The following PTPN12 variants were observed in gnomAD, a reference collection of about 807,000 sequenced individuals.
The protein encoded by PTPN12 is tyrosine-protein phosphatase non-receptor type 12.
In PTPN12, 29 loss-of-function variants were observed where a neutral mutation model predicts 97.6. That is an observed-to-expected ratio of 0.30 (90% CI 0.22 to 0.41). The LOEUF is 0.41. Among genes scored for constraint, PTPN12 ranks in the 10% least tolerant of loss-of-function variants. The pLI is 1.00. For synonymous variants in PTPN12, 327 were observed against 300.4 expected (o/e 1.09, Z -0.91); for missense variants, 819 against 926.0 (o/e 0.88, Z 1.50).
intron 1 of PTPN12, among the ~76,000 whole-genome samples, chr7:77,551,911 A>C (rs550725318): frequency 2.6e-5 from 4 of 152,290 alleles, no homozygotes; most frequent in South Asian, 4.1e-4. Flanking sequence ...TCCATGGTAC[A>C]TATTTTCCAT....
intron 14 of PTPN12, among the ~76,000 whole-genome samples, chr7:77,633,758 C>G (rs1789486138): frequency 6.6e-6 from 1 of 152,134 alleles, no homozygotes; most frequent in South Asian, 2.1e-4. Flanking sequence ...CACATTGGCT[C>G]ATACCTGTAA....
intron 15 of PTPN12, chr7:77,636,676 C>G (rs186692701): frequency 5.1e-4 from 92 of 180,058 alleles, no homozygotes; most frequent in African/African-American, 2.1e-3. Flanking sequence ...TGAAATTTAG[C>G]TACATCTTAT....
chr7:77,599,450 C>T (rs1383298207), intron 7 of PTPN12, among the ~76,000 whole-genome samples: 10 of 151,802 alleles, frequency 6.6e-5, no homozygotes, highest in Admixed American at 6.6e-4. Context: ...CCACCAAACC[C>T]AGCTAAATTT....
At chr7:77,588,727 T>G (rs1787771648) in intron 5 of PTPN12, among the ~76,000 whole-genome samples, 1 of 152,214 alleles carries the variant, frequency 6.6e-6, no homozygotes, top group Admixed American at 6.5e-5. Flanking sequence ...CTTAGTAAAC[T>G]TCAAATATTC....
intron 14 of PTPN12, among the ~76,000 whole-genome samples, chr7:77,633,467 T>G (rs1479046232): frequency 6.6e-6 from 1 of 150,902 alleles, no homozygotes; most frequent in Non-Finnish European, 1.5e-5. Flanking sequence ...AAATTAGCTG[T>G]GTGTGGTGGC....
chr7:77,638,923 G>T, intron 17 of PTPN12, 192 bp downstream of exon 17: 1 of 1,001,454 alleles, frequency 1.0e-6, no homozygotes, highest in Non-Finnish European at 1.3e-6. Flanking sequence ...ATAGAAAACT[G>T]CAGTATAAAA....
At chr7:77,586,377 C>A (rs1302600352) in intron 5 of PTPN12, among the ~76,000 whole-genome samples, 1 of 152,124 alleles carries the variant, frequency 6.6e-6, no homozygotes, top group African/African-American at 2.4e-5. Context: ...GCCGACTGAT[C>A]AAGTTGGTAT....
chr7:77,574,495 A>T (rs571449393), intron 2 of PTPN12, among the ~76,000 whole-genome samples: 1 of 152,168 alleles, frequency 6.6e-6, no homozygotes, highest in African/African-American at 2.4e-5. Context: ...TAAAGCCTTC[A>T]CTAGGGTGAT....
chr7:77,585,706 G>A, intron 5 of PTPN12, 125 bp downstream of exon 5: 1 of 703,188 alleles, frequency 1.4e-6, no homozygotes, highest in Middle Eastern at 4.2e-4. Context: ...TACTGCTGTT[G>A]CTTTTATTTC....
rs544797636 is a variant in PTPN12, at chr7:77,541,379, C to T, written c.99+3734C>T. On this transcript the variant is annotated intron_variant, in intron 1 of 17. Transcript: ENST00000248594. ...TGCTGGGGTTACAGGTGTGAGCCAC[C>T]GTAGCCGGCCTACTACTTGGTAACT... is the stretch of plus-strand genomic sequence containing the variant. 6.7e-4 allele frequency among the ~76,000 whole-genome samples: 102 copies of T among 152,232 alleles called. 1 individual carries two copies. Among genetic ancestry groups the T allele is most frequent in the Non-Finnish European group, 2.2e-4 (15 of 68,018 alleles).
At chr7:77,544,831 CAAACTT>C (rs1807139703) in intron 1 of PTPN12, among the ~76,000 whole-genome samples, 1 of 152,208 alleles carries the variant, frequency 6.6e-6, no homozygotes, top group Admixed American at 6.5e-5. Flanking sequence ...ACATTGTAGA[CAAACTT>C]AATGCTGTAA....
At chr7:77,547,040 T>G (rs1306505526) in intron 1 of PTPN12, among the ~76,000 whole-genome samples, 1 of 152,230 alleles carries the variant, frequency 6.6e-6, no homozygotes, top group Non-Finnish European at 1.5e-5. Flanking sequence ...TTTCCTGTAA[T>G]AACTTTTATA....
intron 1 of PTPN12, among the ~76,000 whole-genome samples, chr7:77,562,006 G>C (rs1808021207): frequency 2.6e-5 from 4 of 151,292 alleles, no homozygotes; most frequent in Admixed American, 2.6e-4. Flanking sequence ...TAGCCAGGAT[G>C]GTCTCGGTCT....
rs369545408 is a variant in PTPN12 at position 77,609,696 on chromosome 7, C to A, written c.763-1069C>A. Among the ~76,000 whole-genome samples, 8 of 151,492 alleles carry A rather than the reference C, an allele frequency of 5.3e-5. No individual in the cohort carries two copies. The East Asian group carries it at 1.4e-3, about 26-fold the overall frequency. Reference sequence around the variant, plus strand: ...CAGATTGAGACCACCCTGGCTAACACGGTGAAACCCTGTCTCTACTAAAAA... The same window carrying A: ...CAGATTGAGACCACCCTGGCTAACAAGGTGAAACCCTGTCTCTACTAAAAA... On this transcript the variant is annotated intron_variant, in intron 9 of 17. Coordinates refer to ENST00000248594, the MANE Select transcript of PTPN12 (RefSeq NM_002835.4).
intron 12 of PTPN12, among the ~76,000 whole-genome samples, chr7:77,626,269 G>T (rs1309642524): frequency 6.6e-6 from 1 of 152,198 alleles, no homozygotes; most frequent in Non-Finnish European, 1.5e-5. Flanking sequence ...AATACTATCT[G>T]CAGTCATACG....
At chr7:77,614,996 C>G (rs971214923) in intron 11 of PTPN12, among the ~76,000 whole-genome samples, 2 of 152,126 alleles carry the variant, frequency 1.3e-5, no homozygotes, top group African/African-American at 4.8e-5. Context: ...ACTACAGTGA[C>G]TTCCTGGAGT....
intron 8 of PTPN12, among the ~76,000 whole-genome samples, chr7:77,604,209 CTTTTTTTTT>C (rs71082768): frequency 7.2e-4 from 38 of 52,804 alleles, no homozygotes; most frequent in Admixed American, 6.8e-4. Flanking sequence ...TTTTTTCTTC[CTTTTTTTTT>C]TTTTTTTTTT....
intron 8 of PTPN12, among the ~76,000 whole-genome samples, chr7:77,602,390 T>TA (rs1355609712): frequency 1.3e-5 from 2 of 152,170 alleles, no homozygotes; most frequent in Non-Finnish European, 2.9e-5. Context: ...AAATTTGTAT[T>TA]ATGGATTTAG....
At chr7:77,598,049 G>A (rs1455290838) in intron 7 of PTPN12, 148 bp downstream of exon 7, 3 of 1,075,994 alleles carry the variant, frequency 2.8e-6, no homozygotes, top group African/African-American at 1.6e-5. Context: ...GCAACATAGT[G>A]AGATCTTGTG....
Sources: allele counts gnomAD v4.1 joint callset (sites outside exome capture counted in the v4.1 genomes callset), GRCh38; gene constraint gnomAD v4.1.1; transcripts MANE v1.5; gene names NCBI Gene and HGNC (gene_info 2026-07-23, HGNC 2026-07-21).